The following BACE2 variants were observed in gnomAD, a reference collection of about 807,000 sequenced individuals.
BACE2 encodes 56 kDa aspartic-like protease.
In BACE2, 17 loss-of-function variants were observed where a neutral mutation model predicts 46.2. The ratio of observed to expected loss-of-function variants is 0.37; its 90% CI spans 0.25 to 0.55. BACE2 has a LOEUF of 0.55. Ranked by LOEUF, BACE2 falls within the 20% of genes least tolerant of loss-of-function variation. The pLI is 0.82. For synonymous variants in BACE2, 277 were observed against 295.9 expected, an observed-to-expected ratio of 0.94 and a Z score of 0.66; for missense variants, 595 against 698.1, an observed-to-expected ratio of 0.85 and a Z score of 1.66.
chr21:41,192,727 C>T (rs867697513), intron 1 of BACE2, among the ~76,000 whole-genome samples: 5 of 152,220 alleles, frequency 3.3e-5, no homozygotes, highest in African/African-American at 1.2e-4. Flanking sequence ...TGCACAGCAG[C>T]CTGGACCTGT....
intron 1 of BACE2, among the ~76,000 whole-genome samples, chr21:41,188,995 C>T (rs537758672): frequency 6.6e-6 from 1 of 152,170 alleles, no homozygotes; most frequent in South Asian, 2.1e-4. Context: ...GCTCCTGTGG[C>T]CAGGCAGCAT....
chr21:41,248,737 G>A (rs903817155), intron 6 of BACE2, among the ~76,000 whole-genome samples: 19 of 152,352 alleles, frequency 1.2e-4, no homozygotes, highest in African/African-American at 4.6e-4. Flanking sequence ...GAGGGCAGGT[G>A]TCTGCAGTGC....
At chr21:41,268,791 T>A (rs1459930444) in intron 8 of BACE2, among the ~76,000 whole-genome samples, 1 of 151,810 alleles carries the variant, frequency 6.6e-6, no homozygotes, top group Admixed American at 6.6e-5. Flanking sequence ...GAAAATTAAT[T>A]TTATTGGGTT....
rs551146744 is a variant in BACE2, at chr21:41,220,244, C to G, written c.313-6022C>G. On this transcript the variant is annotated intron_variant, in intron 1 of 8. Coordinates refer to ENST00000330333, the MANE Select transcript of BACE2 (RefSeq NM_012105.5). Reference sequence around the variant, plus strand: ...TGTACACGCCACCCTCCGGGAACCTCAGCTGTCTGGAAATTTAATGAACCC... The same window carrying G: ...TGTACACGCCACCCTCCGGGAACCTGAGCTGTCTGGAAATTTAATGAACCC... Among the ~76,000 whole-genome samples, 3 of 152,306 alleles carry G rather than the reference C, an allele frequency of 2.0e-5. No homozygotes were observed. The East Asian group carries it at 5.8e-4, about 29-fold the overall frequency.
chr21:41,253,834 A>G (rs1177462390), intron 7 of BACE2, among the ~76,000 whole-genome samples: 1 of 152,186 alleles, frequency 6.6e-6, no homozygotes, highest in Non-Finnish European at 1.5e-5. Flanking sequence ...TGTCTTTGAC[A>G]TGTTCAGATT....
Position 41,275,585 on chromosome 21 carries a change from C to G in BACE2, c.1518C>G (p.Val506=). 6.2e-7 allele frequency: 1 copy of G among 1,613,946 alleles called. No individual in the cohort carries two copies. Among genetic ancestry groups the G allele is most frequent in the Non-Finnish European group, 8.5e-7 (1 of 1,180,002 alleles). Reference sequence around the variant, plus strand: ...GTCGCCCCCGTGACCCTGAGGTCGTCAATGATGAGTCCTCTCTGGTCAGAC... The same window carrying G: ...GTCGCCCCCGTGACCCTGAGGTCGTGAATGATGAGTCCTCTCTGGTCAGAC... ...CQRRPRDPEV[V]NDESSLVRHR... Residue 506 remains valine, a synonymous_variant, in exon 9 of 9, where the codon GTC becomes GTG. Transcript: ENST00000330333.
At chr21:41,247,148 ATGG>A (rs1987493726) in intron 6 of BACE2, among the ~76,000 whole-genome samples, 1 of 152,188 alleles carries the variant, frequency 6.6e-6, no homozygotes, top group Admixed American at 6.5e-5. Flanking sequence ...AGGAGCACGT[ATGG>A]TGGGTGCCTT....
At chr21:41,194,173 G>C (rs1985664708) in intron 1 of BACE2, among the ~76,000 whole-genome samples, 1 of 152,060 alleles carries the variant, frequency 6.6e-6, no homozygotes, top group Admixed American at 6.5e-5. Context: ...AATTAAGTAG[G>C]AATGCAGTGG....
rs1018953171 is a variant in BACE2, at chr21:41,193,066, A to C, written c.312+24491A>C. The stretch of plus-strand genomic sequence containing the variant: ...CCAGTGTGTTTGCTACTTCTTGCTC[A>C]CTGGATCCAATCAGCATAATGTCAT... On this transcript the variant is annotated intron_variant, in intron 1 of 8. Coordinates refer to ENST00000330333, the MANE Select transcript of BACE2 (RefSeq NM_012105.5). This position sits in a 1 kb window ranked among gnomAD's most constrained non-coding sequence, Gnocchi z 4.2. 5.3e-5 allele frequency among the ~76,000 whole-genome samples: 8 copies of C among 152,228 alleles called. No homozygotes were observed. The highest frequency in any genetic ancestry group is 1.2e-4 in the Non-Finnish European group (8 of 68,038).
At position 41,209,661 on chromosome 21, in the gene BACE2, A is replaced by G. The variant is rs1986238635; in HGVS notation, c.313-16605A>G. On this transcript the variant is annotated intron_variant, in intron 1 of 8. Transcript: ENST00000330333. ...CACTCTTTATTAACCCAGGGTACAG[A>G]CAAGGGGGCTGAGGCTCAGAGAGGG... Among the ~76,000 whole-genome samples the G allele has an allele frequency of 4.6e-5, 7 of 152,268 alleles. No individual in the cohort carries two copies. The South Asian group carries it at 1.5e-3, about 32-fold the overall frequency.
At chr21:41,236,446 G>A (rs1366174857) in intron 2 of BACE2, among the ~76,000 whole-genome samples, 1 of 152,168 alleles carries the variant, frequency 6.6e-6, no homozygotes, top group Non-Finnish European at 1.5e-5. Context: ...AACTGAGGGG[G>A]CAGGACTTTC....
intron 1 of BACE2, among the ~76,000 whole-genome samples, chr21:41,174,331 C>T (rs771564956): frequency 6.6e-6 from 1 of 151,524 alleles, no homozygotes; most frequent in Non-Finnish European, 1.5e-5. Context: ...TTAGTAGAGA[C>T]GGGGTTTCAC....
intron 1 of BACE2, among the ~76,000 whole-genome samples, chr21:41,224,356 A>T (rs1006646466): frequency 5.3e-5 from 8 of 151,850 alleles, no homozygotes; most frequent in Non-Finnish European, 7.4e-5. Context: ...CTGGGACTGC[A>T]GGCGTGTGCC....
chr21:41,235,807 C>G (rs1030188374), intron 2 of BACE2, among the ~76,000 whole-genome samples: 14 of 152,184 alleles, frequency 9.2e-5, no homozygotes, highest in Admixed American at 4.6e-4. Flanking sequence ...CGCTATGGCA[C>G]TCCAGCCTGG....
chr21:41,200,829 A>G (rs1363815481), intron 1 of BACE2, among the ~76,000 whole-genome samples: 1 of 152,166 alleles, frequency 6.6e-6, no homozygotes, highest in Non-Finnish European at 1.5e-5. Flanking sequence ...ACCTGCCCAC[A>G]CCTTGATCTG....
At chr21:41,269,603 T>C (rs1480434729) in intron 8 of BACE2, among the ~76,000 whole-genome samples, 1 of 152,242 alleles carries the variant, frequency 6.6e-6, no homozygotes, top group Non-Finnish European at 1.5e-5. Flanking sequence ...ACAGTATGTA[T>C]TCCATTTTGT....
chr21:41,196,708 G>A lies in BACE2; in HGVS notation c.312+28133G>A, dbSNP rs566656877. On this transcript the variant is annotated intron_variant, in intron 1 of 8. Transcript: ENST00000330333. ...GGAAGAAATTAGAATGTCTGAATTT[G>A]TTTTGCCTAAAGCAATAAAGAATTT... is the stretch of plus-strand genomic sequence containing the variant. Among the ~76,000 whole-genome samples, 9 of 152,312 alleles carry A rather than the reference G, an allele frequency of 5.9e-5. No individual in the cohort carries two copies. In the South Asian group the frequency reaches 1.7e-3, roughly 28 times the overall value.
intron 7 of BACE2, chr21:41,252,572 C>G (rs1010955579): frequency 6.6e-6 from 1 of 152,180 alleles, no homozygotes; most frequent in Admixed American, 6.5e-5. Flanking sequence ...GTTTTCTTAA[C>G]TTCTATTTCG....
At chr21:41,238,834 G>A (rs1215140624) in intron 3 of BACE2, among the ~76,000 whole-genome samples, 1 of 148,194 alleles carries the variant, frequency 6.7e-6, no homozygotes, top group African/African-American at 2.5e-5. Context: ...GGATAGCCTT[G>A]GGAGATATAC....
Sources: gnomAD v4.1 joint callset for allele counts (sites outside exome capture counted in the v4.1 genomes callset) on GRCh38, gnomAD v4.1.1 for gene constraint, Gnocchi (gnomAD v3.1) non-coding constraint, MANE v1.5 for transcripts, NCBI Gene and HGNC (gene_info 2026-07-23, HGNC 2026-07-21) for gene names.